The following SASH1 variants were observed in gnomAD, a reference collection of about 807,000 sequenced individuals.
SASH1 encodes SAM and SH3 domain containing 1, also known as SAM and SH3 domain-containing protein 1.
A neutral mutation model predicts 125.2 loss-of-function variants in SASH1; 44 were observed. That is an observed-to-expected ratio of 0.35 (90% CI 0.28 to 0.45). SASH1 has a LOEUF of 0.45. Ranked by LOEUF, SASH1 falls within the 20% of genes least tolerant of loss-of-function variation. SASH1 has a pLI of 1.00. For synonymous variants in SASH1, 639 were observed against 649.1 expected, an observed-to-expected ratio of 0.98 and a Z score of 0.24; for missense variants, 1,426 against 1,614.5, an observed-to-expected ratio of 0.88 and a Z score of 2.00.
intron 1 of SASH1, among the ~76,000 whole-genome samples, chr6:148,288,690 TACACACACAC>T (rs10606943): frequency 2.7e-5 from 4 of 150,838 alleles, no homozygotes; most frequent in East Asian, 2.0e-4. Context: ...CACGTGTATG[TACACACACAC>T]ACACACACAC....
rs1460847643 is a variant in SASH1, at chr6:148,495,251, T to C, written c.729+7536T>C. 6.6e-6 allele frequency among the ~76,000 whole-genome samples: 1 copy of C among 152,184 alleles called. No individual in the cohort carries two copies. The highest frequency in any genetic ancestry group is 1.5e-5 in the Non-Finnish European group (1 of 68,030). ...AGAAAAGGTTAACAGTGTAATCCCT[T>C]TTTATAGAATATGGCGGAAGAACAG... On this transcript the variant is annotated intron_variant, in intron 8 of 19. Transcript: ENST00000367467. This position sits in a 1 kb window ranked among gnomAD's most constrained non-coding sequence, Gnocchi z 4.0.
intron 2 of SASH1, chr6:148,393,543 T>C (rs12207351): frequency 0.21 from 41,688 of 201,196 alleles, 4,573 homozygotes; most frequent in Admixed American, 0.29. Context: ...CATCATCCCA[T>C]GGTGTTTGGG....
At chr6:148,330,457 A>G (rs1387035169) in intron 1 of SASH1, among the ~76,000 whole-genome samples, 1 of 152,260 alleles carries the variant, frequency 6.6e-6, no homozygotes, top group Non-Finnish European at 1.5e-5. Flanking sequence ...AAAGTTTATT[A>G]GAAGACAAGA....
At chr6:148,366,856 A>G (rs1240160771) in intron 1 of SASH1, among the ~76,000 whole-genome samples, 2 of 151,730 alleles carry the variant, frequency 1.3e-5, no homozygotes, top group Non-Finnish European at 2.9e-5. Context: ...CTGCCTCCCA[A>G]AGTGCTGGGA....
At chr6:148,462,840 T>A (rs2115087285) in intron 4 of SASH1, among the ~76,000 whole-genome samples, 1 of 152,260 alleles carries the variant, frequency 6.6e-6, no homozygotes, top group Non-Finnish European at 1.5e-5. Flanking sequence ...GGTGAGGTGT[T>A]GAACTCAGGA....
chr6:148,325,020 G>A (rs564862405), intron 1 of SASH1, among the ~76,000 whole-genome samples: 1 of 152,298 alleles, frequency 6.6e-6, no homozygotes, highest in South Asian at 2.1e-4. Flanking sequence ...AGGCAATTGT[G>A]TTAACTTGGT....
At chr6:148,314,593 T>C (rs946150218) in intron 1 of SASH1, among the ~76,000 whole-genome samples, 1 of 152,178 alleles carries the variant, frequency 6.6e-6, no homozygotes, top group Non-Finnish European at 1.5e-5. Context: ...AGTTTCAGTT[T>C]AGGCCCTCAA....
At chr6:148,269,259 G>T (rs887256643), upstream of SASH1, among the ~76,000 whole-genome samples, 6 of 152,126 alleles carry the variant, frequency 3.9e-5, no homozygotes, top group East Asian at 9.6e-4. Context: ...ACTCCCAATT[G>T]TGTGCCCTCC....
chr6:148,239,381 C>T, the SASH1 span, among the ~76,000 whole-genome samples: 2 of 152,136 alleles, frequency 1.3e-5, no homozygotes, highest in Non-Finnish European at 2.9e-5. Context: ...TCAGGGCTGC[C>T]CCTCCCACAC....
At chr6:148,235,147 G>A in the SASH1 span, among the ~76,000 whole-genome samples, 1 of 152,122 alleles carries the variant, frequency 6.6e-6, no homozygotes, top group Non-Finnish European at 1.5e-5. Context: ...ACGTGTCAAT[G>A]GTAATCACAT....
chr6:148,253,212 A>G, the SASH1 span, among the ~76,000 whole-genome samples: 1 of 152,268 alleles, frequency 6.6e-6, no homozygotes, highest in African/African-American at 2.4e-5. Flanking sequence ...TGGTGCTGGC[A>G]TAACAACAGA....
intron 8 of SASH1, among the ~76,000 whole-genome samples, chr6:148,504,865 C>T (rs188793924): frequency 6.0e-4 from 91 of 152,258 alleles, no homozygotes; most frequent in Admixed American, 1.4e-3. Flanking sequence ...AGAGGCGTGG[C>T]AGTGAGGTTA....
At chr6:148,481,344 C>G (rs1030585875) in intron 7 of SASH1, among the ~76,000 whole-genome samples, 6 of 152,204 alleles carry the variant, frequency 3.9e-5, no homozygotes, top group Middle Eastern at 3.4e-3. Flanking sequence ...TAAGGCTGTT[C>G]CATTTTCTTA....
At chr6:148,511,953 G>C (rs932748736) in intron 8 of SASH1, among the ~76,000 whole-genome samples, 7 of 151,900 alleles carry the variant, frequency 4.6e-5, no homozygotes, top group African/African-American at 1.7e-4. Flanking sequence ...ACAGCTTCTT[G>C]TATTTTGATT....
chr6:148,269,640 A>C (rs541340943), upstream of SASH1, among the ~76,000 whole-genome samples: 54 of 152,166 alleles, frequency 3.5e-4, no homozygotes, highest in African/African-American at 1.3e-3. Flanking sequence ...GCATTGTTAG[A>C]TTGCATGTTA....
intron 1 of SASH1, among the ~76,000 whole-genome samples, chr6:148,357,812 C>A (rs1782004056): frequency 1.3e-5 from 2 of 152,104 alleles, no homozygotes; most frequent in South Asian, 4.1e-4. Flanking sequence ...GTGATCCCAG[C>A]ATTTTGGGAG....
chr6:148,387,605 TTTC>T (rs1783469248), intron 1 of SASH1, among the ~76,000 whole-genome samples: 1 of 24,404 alleles, frequency 4.1e-5, no homozygotes, highest in East Asian at 5.2e-4. Flanking sequence ...TCTTTCTTTC[TTTC>T]TTTCTTTCTT....
chr6:148,470,717 C>T (rs1169927522), intron 5 of SASH1, among the ~76,000 whole-genome samples: 1 of 152,040 alleles, frequency 6.6e-6, no homozygotes, highest in Non-Finnish European at 1.5e-5. Flanking sequence ...AGAGGGAGAC[C>T]CATTTGGGAG....
At chr6:148,268,404 C>T (rs1446427192), upstream of SASH1, among the ~76,000 whole-genome samples, 1 of 152,130 alleles carries the variant, frequency 6.6e-6, no homozygotes, top group Non-Finnish European at 1.5e-5. Flanking sequence ...AGGCAGATAA[C>T]ATTTAATGTA....
Sources: allele counts gnomAD v4.1 joint callset (sites outside exome capture counted in the v4.1 genomes callset), GRCh38; gene constraint gnomAD v4.1.1; non-coding constraint Gnocchi (gnomAD v3.1); transcripts MANE v1.5; gene names NCBI Gene and HGNC (gene_info 2026-07-23, HGNC 2026-07-21).